The following CARS2 variants were observed in gnomAD, a reference collection of about 807,000 sequenced individuals.
CARS2 encodes the protein probable cysteine--tRNA ligase, mitochondrial.
A neutral mutation model predicts 68.8 loss-of-function variants in CARS2; 52 were observed. That is an observed-to-expected ratio of 0.76 (90% confidence interval 0.61 to 0.95). The LOEUF is 0.95. Ranked by LOEUF, CARS2 falls within the 40% of genes least tolerant of loss-of-function variation. The probability of loss-of-function intolerance (pLI) is 0.00; values close to 1 mark genes in which losing one functional copy is unlikely to be tolerated. For synonymous variants in CARS2, 314 were observed against 303.6 expected (o/e 1.03, Z -0.36); for missense variants, 780 against 754.2 (o/e 1.03, Z -0.40).
intron 10 of CARS2, among the ~76,000 whole-genome samples, chr13:110,647,850 T>C (rs1260341098): frequency 8.4e-6 from 1 of 119,154 alleles, no homozygotes; most frequent in Non-Finnish European, 1.7e-5. Context: ...AGTGAATCGC[T>C]TTGCAATGAT....
At chr13:110,703,754 C>T (rs1170289947) in intron 2 of CARS2, among the ~76,000 whole-genome samples, 2 of 152,248 alleles carry the variant, frequency 1.3e-5, no homozygotes, top group Non-Finnish European at 1.5e-5. Context: ...AATAACGCCC[C>T]GTTTCCCAGT....
chr13:110,706,881 T>C (rs1382676600), upstream of CARS2, among the ~76,000 whole-genome samples: 2 of 144,620 alleles, frequency 1.4e-5, no homozygotes, highest in African/African-American at 2.6e-5. Context: ...CCCAACACAG[T>C]GCACCCCGAT....
rs1201310666 is a variant in CARS2 at position 110,666,373 on chromosome 13, TCAAA to T, written c.919+963_919+966del. 5.1e-6 allele frequency: 5 copies of T among 985,278 alleles called. No homozygotes were observed. In the South Asian group the frequency reaches 1.4e-4, roughly 28 times the overall value. The allele number at this position is 985,278 out of a possible 1,614,324, so 61.0% of individuals were successfully genotyped here. A position where few individuals can be genotyped will look rare whatever the true frequency, so the allele number is the denominator to read the frequency against. On this transcript the variant is annotated intron_variant, in intron 8 of 14. Transcript: ENST00000257347. ...GTGCTGGACAACAGCTCCTAAGTCC[TCAAA>T]CAGCCACGCAGCCAGCTTTGTTTCT...
chr13:110,700,483 CAG>C (rs990165084), intron 3 of CARS2, among the ~76,000 whole-genome samples: 14 of 152,192 alleles, frequency 9.2e-5, no homozygotes, highest in African/African-American at 2.9e-4. Flanking sequence ...AAGTCTAGAA[CAG>C]AGAGAAGATG....
chr13:110,692,003 A>AAATATAT (rs1555299926), intron 3 of CARS2, among the ~76,000 whole-genome samples: 1 of 91,594 alleles, frequency 1.1e-5, no homozygotes, highest in Non-Finnish European at 2.1e-5. Flanking sequence ...AAAAAAAAAA[A>AAATATAT]ATATATATAT....
chr13:110,647,283 G>T (rs897647911), intron 10 of CARS2, 44 bp from the exon 11 acceptor site: 1 of 1,594,808 alleles, frequency 6.3e-7, no homozygotes, highest in Admixed American at 1.7e-5. Context: ...CCACCATGCT[G>T]TGCCCCTGCC....
chr13:110,671,632 A>G (rs886222589), intron 7 of CARS2, among the ~76,000 whole-genome samples: 1 of 152,228 alleles, frequency 6.6e-6, no homozygotes, highest in African/African-American at 2.4e-5. Context: ...AAAGACCGTC[A>G]AGGCTAGGAA....
At chr13:110,690,996 T>C (rs898363124) in intron 3 of CARS2, among the ~76,000 whole-genome samples, 1 of 152,172 alleles carries the variant, frequency 6.6e-6, no homozygotes, top group Non-Finnish European at 1.5e-5. Flanking sequence ...GTCTTTTTCT[T>C]ATTGGATGTT....
intron 3 of CARS2, among the ~76,000 whole-genome samples, chr13:110,694,846 A>G (rs1396524411): frequency 6.6e-6 from 1 of 152,224 alleles, no homozygotes; most frequent in Non-Finnish European, 1.5e-5. Context: ...CACGAAAGAT[A>G]TTGTTATCAT....
rs138328518 is a variant in CARS2, at chr13:110,668,399, G to A, written c.786-926C>T. 2.9e-3 allele frequency among the ~76,000 whole-genome samples: 448 copies of A among 152,208 alleles called. 1 individual carries two copies. The highest frequency in any genetic ancestry group is 0.01 in the African/African-American group (422 of 41,528). On this transcript the variant is annotated intron_variant, in intron 7 of 14. Transcript: ENST00000257347. This position sits in a 1 kb window ranked among gnomAD's most constrained non-coding sequence, Gnocchi z 4.1. ...TCCACTAAAATACAAAAAATCAGCC[G>A]GGCGTGGTGGCGGGTGCCTGTAGTC... is the stretch of plus-strand genomic sequence containing the variant.
intron 9 of CARS2, among the ~76,000 whole-genome samples, chr13:110,655,120 T>A (rs565425276): frequency 6.6e-6 from 1 of 152,264 alleles, no homozygotes; most frequent in African/African-American, 2.4e-5. Context: ...CCGTATCTTC[T>A]GATGTGCGAT....
chr13:110,677,721 A>AC (rs769959107), intron 6 of CARS2, among the ~76,000 whole-genome samples: 1 of 61,306 alleles, frequency 1.6e-5, no homozygotes, highest in South Asian at 6.7e-4. Flanking sequence ...CCAGACAGCC[A>AC]CCCCGCCACG....
chr13:110,704,289 T>G (rs562034039), intron 2 of CARS2, among the ~76,000 whole-genome samples: 1 of 152,364 alleles, frequency 6.6e-6, no homozygotes, highest in East Asian at 1.9e-4. Context: ...CTTCTACCTT[T>G]GTGGAAAGGT....
At chr13:110,651,279 C>T (rs763800328) in intron 9 of CARS2, 179 bp from the exon 10 acceptor site, 7 of 555,766 alleles carry the variant, frequency 1.3e-5, no homozygotes, top group Non-Finnish European at 1.9e-5. Flanking sequence ...GATTTCCTCA[C>T]TGAACTTTCC....
chr13:110,662,234 G>T (rs2062523590), intron 9 of CARS2, among the ~76,000 whole-genome samples: 1 of 134,518 alleles, frequency 7.4e-6, no homozygotes, highest in African/African-American at 2.9e-5. Flanking sequence ...CAACCCCACG[G>T]CCGGGTTCGG....
intron 7 of CARS2, among the ~76,000 whole-genome samples, chr13:110,672,198 A>C (rs1248336079): frequency 1.3e-5 from 2 of 152,178 alleles, no homozygotes; most frequent in Non-Finnish European, 2.9e-5. Flanking sequence ...TTGAACTCAG[A>C]TCTGCACCAA....
chr13:110,711,758 C>G (rs1168424630), intron 1 of CARS2, among the ~76,000 whole-genome samples: 2 of 152,216 alleles, frequency 1.3e-5, no homozygotes, highest in Non-Finnish European at 2.9e-5. Flanking sequence ...ATTGCAGCAA[C>G]GTTGCAACGT....
intron 12 of CARS2, chr13:110,645,716 G>C (rs1042213029): frequency 6.6e-6 from 3 of 451,152 alleles, no homozygotes; most frequent in African/African-American, 4.1e-5. Context: ...CAAGCACACA[G>C]AATTTCTCAG....
rs554679042 is a variant in CARS2 at position 110,653,779 on chromosome 13, CATATT to C, written c.988-2684_988-2680del. 1.8e-3 allele frequency among the ~76,000 whole-genome samples: 279 copies of C among 152,262 alleles called. 2 individuals carry two copies. The highest frequency in any genetic ancestry group is 5.2e-3 in the Admixed American group (80 of 15,298). On this transcript the variant is annotated intron_variant, in intron 9 of 14. Transcript: ENST00000257347. The surrounding 1 kb of genome is among the most constrained non-coding windows in gnomAD (Gnocchi z 5.6). ...GAGTTTATACGGACTAAAGGAGAAACATATTATAACTTCTTCATTACACAGTATTC... is the reference window on the plus strand; with the variant it reads ...GAGTTTATACGGACTAAAGGAGAAACATAACTTCTTCATTACACAGTATTC...
Sources: allele counts gnomAD v4.1 joint callset (sites outside exome capture counted in the v4.1 genomes callset), GRCh38; gene constraint gnomAD v4.1.1; non-coding constraint Gnocchi (gnomAD v3.1); transcripts MANE v1.5; gene names NCBI Gene and HGNC (gene_info 2026-07-23, HGNC 2026-07-21).